CC2D1A: variants seen among roughly 807,000 people sequenced by gnomAD.
The protein encoded by CC2D1A is coiled-coil and C2 domain containing 1A.
CC2D1A carries 68 observed loss-of-function variants against 123.8 expected under a neutral mutation model. The ratio of observed to expected loss-of-function variants is 0.55; its 90% CI spans 0.45 to 0.67. The LOEUF (loss-of-function observed/expected upper bound fraction) is 0.67, where lower values mean the gene tolerates loss of function less well. Ranked by LOEUF, CC2D1A falls within the 30% of genes least tolerant of loss-of-function variation. The probability of loss-of-function intolerance (pLI) is 0.00; values close to 1 mark genes in which losing one functional copy is unlikely to be tolerated. For missense variants in CC2D1A, 1,185 were observed against 1,290.3 expected (o/e 0.92, Z 1.25); for synonymous variants, 477 against 528.0 (o/e 0.90, Z 1.32).
rs981702503 is a variant in CC2D1A at position 13,927,909 on chromosome 19, G to A, written c.2333G>A (p.Arg778Gln). The A allele has an allele frequency of 2.5e-6, 4 of 1,613,388 alleles. No individual in the cohort carries two copies. The highest frequency in any genetic ancestry group is 2.2e-5 in the East Asian group (1 of 44,872). ...REILEVLDGR[R>Q]PTGGRLEVMV... ...CCCACCCAGGTCCTGGATGGTCGCCGGCCCACAGGGGGGCGACTGGAGGTA... is the reference window on the plus strand; with the variant it reads ...CCCACCCAGGTCCTGGATGGTCGCCAGCCCACAGGGGGGCGACTGGAGGTA... Residue 778 changes from arginine to glutamine, a missense_variant, in exon 23 of 29, where the codon CGG becomes CAG. Arg to Gln is a conservative substitution (Grantham distance 43, BLOSUM62 1). Coordinates refer to ENST00000318003, the MANE Select transcript of CC2D1A (RefSeq NM_017721.5).
At chr19:13,912,465 T>C (rs1229546638) in intron 3 of CC2D1A, 27 bp downstream of exon 3, 1 of 1,613,948 alleles carries the variant, frequency 6.2e-7, no homozygotes, top group South Asian at 1.1e-5. Context: ...GGGTGGGGGC[T>C]CTGATCCGGT....
In CC2D1A at chr19:13,919,850, A is replaced by T; in HGVS notation, c.1255A>T (p.Lys419Ter). The T allele has an allele frequency of 6.2e-7, 1 of 1,610,774 alleles. No individual in the cohort carries two copies. Among genetic ancestry groups the T allele is most frequent in the Non-Finnish European group, 8.5e-7 (1 of 1,178,316 alleles). ...CCCAATCCAGGGCCTGGAGGCCACCAAGCCCACCCAGCAGAGTCTGGTGGG... is the reference window on the plus strand; with the variant it reads ...CCCAATCCAGGGCCTGGAGGCCACCTAGCCCACCCAGCAGAGTCTGGTGGG... ...FPPIQGLEAT[K>*]PTQQSLVGVL... The change falls in exon 12 of 29, where the codon AAG (lysine) becomes TAG (stop). Residue 419 changes from lysine to a stop codon, truncating the protein, a stop_gained. Coordinates refer to ENST00000318003, the MANE Select transcript of CC2D1A (RefSeq NM_017721.5). LOFTEE classifies it high-confidence loss of function.
rs201085216 is a variant in CC2D1A at position 13,926,083 on chromosome 19, CACACAT to C, written c.1941-432_1941-427del. Among the ~76,000 whole-genome samples the C allele has an allele frequency of 8.6e-3, 978 of 113,446 alleles. 17 individuals are homozygous for C. The highest frequency in any genetic ancestry group is 0.036 in the African/African-American group (927 of 26,016). The allele number at this position is 113,446 out of a possible 152,430, so 74.4% of individuals were successfully genotyped here. ...GTATATATACACACACACACACACA[CACACAT>C]ATATATTAAGTGAAAAGAAGGTCCC... On this transcript the variant is annotated intron_variant, in intron 17 of 28. Transcript: ENST00000318003.
At chr19:13,919,503 T>G (rs996276847) in intron 11 of CC2D1A, among the ~76,000 whole-genome samples, 1 of 151,728 alleles carries the variant, frequency 6.6e-6, no homozygotes, top group African/African-American at 2.4e-5. Flanking sequence ...TTTGGGAGGC[T>G]GAGGTGGGAA....
chr19:13,930,677 G>C lies in CC2D1A; in HGVS notation c.*282G>C, dbSNP rs1214885724. 4.0e-6 allele frequency: 2 copies of C among 502,096 alleles called. No individual in the cohort carries two copies. Among genetic ancestry groups the C allele is most frequent in the Admixed American group, 7.4e-5 (2 of 26,942 alleles). The allele number at this position is 502,096 out of a possible 1,614,324, so 31.1% of individuals were successfully genotyped here. A position where few individuals can be genotyped will look rare whatever the true frequency, so the allele number is the denominator to read the frequency against. ...CGGCCTCTGGCCCGCCCCGGAGCAG[G>C]GAGGGTGGCTGGGGCCAAGCCCCGA... is the stretch of plus-strand genomic sequence containing the variant. On this transcript the variant is annotated 3_prime_UTR_variant, in exon 29 of 29. Transcript: ENST00000318003. The surrounding 1 kb of genome is among the most constrained non-coding windows in gnomAD (Gnocchi z 6.8).
At chr19:13,912,271 G>A in intron 2 of CC2D1A, 52 bp from the exon 3 acceptor site, 1 of 1,522,052 alleles carries the variant, frequency 6.6e-7, no homozygotes, top group Non-Finnish European at 8.8e-7. Context: ...ATGGGAAATG[G>A]GGGCTCTTGG....
Position 13,920,649 on chromosome 19 carries a change from C to G in CC2D1A, c.1449C>G (p.Pro483=), listed in dbSNP as rs201221633. ...SGSAPTAKAP[P]KATSTRAQQQ... ...CAGCCCCAACAGCCAAAGCGCCCCC[C>G]AAAGCCACATCCACCAGAGGTAAGT... The change falls in exon 13 of 29, where the codon CCC becomes CCG. Residue 483 remains proline, a synonymous_variant. Coordinates refer to ENST00000318003, the MANE Select transcript of CC2D1A (RefSeq NM_017721.5). 4.9e-4 allele frequency: 797 copies of G among 1,610,482 alleles called. 5 individuals carry two copies. The African/African-American group carries it at 7.7e-3, about 16-fold the overall frequency.
At chr19:13,928,060 A>T (rs751968382) in intron 23 of CC2D1A, 30 bp downstream of exon 23, 2 of 1,610,466 alleles carry the variant, frequency 1.2e-6, no homozygotes, top group East Asian at 2.2e-5. Flanking sequence ...CCCATCAGCA[A>T]CCCCAGGGAG....
intron 1 of CC2D1A, 129 bp from the exon 2 acceptor site, chr19:13,909,694 C>A (rs567483179): frequency 1.6e-6 from 2 of 1,235,334 alleles, no homozygotes; most frequent in African/African-American, 1.5e-5. Flanking sequence ...CCTCCTGGCA[C>A]TCCCCAGGGA....
In CC2D1A at chr19:13,930,641, C is replaced by G; in HGVS notation, c.*246C>G. 1.8e-6 allele frequency: 1 copy of G among 544,658 alleles called. No individual in the cohort carries two copies. Among genetic ancestry groups the G allele is most frequent in the Non-Finnish European group, 3.2e-6 (1 of 310,670 alleles). 33.7% of individuals were successfully genotyped at this position (544,658 alleles called of 1,614,324 possible). A position where few individuals can be genotyped will look rare whatever the true frequency, so the allele number is the denominator to read the frequency against. ...CCCTGGAGAGTCCTGTTTGCACAGC[C>G]CAGGGGTGTCCGGCCTCTGGCCCGC... On this transcript the variant is annotated 3_prime_UTR_variant, in exon 29 of 29. Coordinates refer to ENST00000318003, the MANE Select transcript of CC2D1A (RefSeq NM_017721.5). This position sits in a 1 kb window ranked among gnomAD's most constrained non-coding sequence, Gnocchi z 6.8.
In CC2D1A at chr19:13,926,000, GTA is replaced by G. The variant is rs371488551; in HGVS notation, c.1941-504_1941-503del. Among the ~76,000 whole-genome samples the G allele has an allele frequency of 4.5e-3, 324 of 71,596 alleles. 3 individuals carry two copies. The highest frequency in any genetic ancestry group is 0.023 in the African/African-American group (199 of 8,634). 47.0% of individuals were successfully genotyped at this position (71,596 alleles called of 152,430 possible). A position where few individuals can be genotyped will look rare whatever the true frequency, so the allele number is the denominator to read the frequency against. On this transcript the variant is annotated intron_variant, in intron 17 of 28. Transcript: ENST00000318003. ...TGTATATATATATACATATATGTGT[GTA>G]TATATATATATACGTATATATATGT...
At chr19:13,918,219 C>G (rs377559670) in intron 7 of CC2D1A, 25 bp downstream of exon 7, 1 of 1,530,672 alleles carries the variant, frequency 6.5e-7, no homozygotes, top group Non-Finnish European at 8.8e-7. Context: ...ACGGACAGGA[C>G]TGGAGGGATG....
intron 2 of CC2D1A, among the ~76,000 whole-genome samples, chr19:13,910,856 G>A (rs1970974597): frequency 6.6e-6 from 1 of 151,458 alleles, no homozygotes; most frequent in African/African-American, 2.4e-5. Context: ...AGTTGCAGTG[G>A]GCAGAGATTG....
chr19:13,919,027 C>CGAGCG lies in CC2D1A; in HGVS notation c.1135_1139dup (p.Ile381SerfsTer55). On this transcript the variant is annotated frameshift_variant, in exon 10 of 29. Transcript: ENST00000318003. LOFTEE classifies it high-confidence loss of function. ...GGGACCAGCGGAAAGCTCGAATGCA[C>CGAGCG]GAGCGCATCGTCAAGGTGCCCTGGG... is the stretch of plus-strand genomic sequence containing the variant. 6.2e-7 allele frequency: 1 copy of CGAGCG among 1,606,974 alleles called. No individual in the cohort carries two copies. The highest frequency in any genetic ancestry group is 8.5e-7 in the Non-Finnish European group (1 of 1,176,504).
chr19:13,927,823 C>T, intron 22 of CC2D1A, 70 bp from the exon 23 acceptor site: 2 of 1,520,402 alleles, frequency 1.3e-6, no homozygotes, highest in Admixed American at 1.8e-5. Flanking sequence ...TCTTGTTCTC[C>T]CTTGTCCTGG....
At chr19:13,927,362 C>T in intron 22 of CC2D1A, 97 bp downstream of exon 22, 1 of 1,028,960 alleles carries the variant, frequency 9.7e-7, no homozygotes, top group African/African-American at 1.6e-5. Flanking sequence ...ATGAGCCTGT[C>T]TGTTGACCCA....
intron 14 of CC2D1A, among the ~76,000 whole-genome samples, chr19:13,921,510 C>T (rs1005667397): frequency 6.6e-6 from 1 of 152,112 alleles, no homozygotes; most frequent in Non-Finnish European, 1.5e-5. Flanking sequence ...CCACCCCTGC[C>T]TCAAAGAAAG....
At chr19:13,908,688 A>T (rs569289717) in intron 1 of CC2D1A, among the ~76,000 whole-genome samples, 1 of 150,580 alleles carries the variant, frequency 6.6e-6, no homozygotes, top group African/African-American at 2.4e-5. Flanking sequence ...CTGGTCTCGA[A>T]CTCCTGGATT....
At chr19:13,909,475 CTCT>C (rs1444986946) in intron 1 of CC2D1A, among the ~76,000 whole-genome samples, 1 of 152,092 alleles carries the variant, frequency 6.6e-6, no homozygotes. Context: ...ACAAGCCATC[CTCT>C]TGCCTTGGCC....
Sources: gnomAD v4.1 joint callset for allele counts (sites outside exome capture counted in the v4.1 genomes callset) on GRCh38, gnomAD v4.1.1 for gene constraint, Gnocchi (gnomAD v3.1) non-coding constraint, MANE v1.5 for transcripts, NCBI Gene and HGNC (gene_info 2026-07-23, HGNC 2026-07-21) for gene names.